PLCXD1: variants seen among roughly 807,000 people sequenced by gnomAD.
PLCXD1 encodes the protein PI-PLC X domain-containing protein 1.
A neutral mutation model predicts 37.8 loss-of-function variants in PLCXD1; 45 were observed. That is an observed-to-expected ratio of 1.19 (90% confidence interval 0.94 to 1.53). The LOEUF (loss-of-function observed/expected upper bound fraction) is 1.53, where lower values mean the gene tolerates loss of function less well. Among genes scored for constraint, PLCXD1 ranks in the 40% most tolerant of loss-of-function variants. The probability of loss-of-function intolerance (pLI) is 0.00; values close to 1 mark genes in which losing one functional copy is unlikely to be tolerated. For missense variants in PLCXD1, 539 were observed against 454.7 expected (o/e 1.19, Z -1.69); for synonymous variants, 246 against 206.9 (o/e 1.19, Z -1.62).
Position 303,341 on chromosome X carries a change from C to T in PLCXD1, c.*4006C>T, listed in dbSNP as rs1339786688. 1 of 152,136 alleles carries T rather than the reference C, an allele frequency of 6.6e-6. No homozygotes were observed. Among genetic ancestry groups the T allele is most frequent in the Admixed American group, 6.6e-5 (1 of 15,256 alleles). 9.4% of individuals were successfully genotyped at this position (152,136 alleles called of 1,614,324 possible). A position where few individuals can be genotyped will look rare whatever the true frequency, so the allele number is the denominator to read the frequency against. Reference sequence around the variant, plus strand: ...CATACAGATCGTTTAAATAAATGAACATCATTAAAGTCAAATATGAGTATG... The same window carrying T: ...CATACAGATCGTTTAAATAAATGAATATCATTAAAGTCAAATATGAGTATG... On this transcript the variant is annotated 3_prime_UTR_variant, in exon 7 of 7. Coordinates refer to ENST00000381657, the MANE Select transcript of PLCXD1 (RefSeq NM_018390.4).
chrX:279,881 A>G (rs1409644644), upstream of PLCXD1, among the ~76,000 whole-genome samples: 8 of 152,006 alleles, frequency 5.3e-5, no homozygotes, highest in East Asian at 3.9e-4. Context: ...CGGGAGTCTC[A>G]CTCTGTCTCC....
intron 3 of PLCXD1, 66 bp from the exon 4 acceptor site, chrX:290,582 C>T: frequency 6.3e-7 from 1 of 1,588,432 alleles, no homozygotes; most frequent in South Asian, 1.1e-5. Context: ...AACCCCACAG[C>T]CCATTCCTGA....
chrX:279,998 G>T (rs1213036402), upstream of PLCXD1, among the ~76,000 whole-genome samples: 1 of 152,050 alleles, frequency 6.6e-6, no homozygotes, highest in South Asian at 2.1e-4. Flanking sequence ...ACAGGCGCGC[G>T]CCAGCACGGC....
chrX:283,536 G>GTGGTGTCAGGCCCGGGTGGGGGCGGCCT (rs1569564376), intron 1 of PLCXD1: 1 of 77,980 alleles, frequency 1.3e-5, no homozygotes, highest in African/African-American at 3.7e-5. Flanking sequence ...GGGGGCGGCC[G>GTGGTGTCAGGCCCGGGTGGGGGCGGCCT]TGGTGTCAGG....
chrX:289,767 T>A (rs1238639360), intron 3 of PLCXD1, among the ~76,000 whole-genome samples: 4 of 151,540 alleles, frequency 2.6e-5, no homozygotes, highest in African/African-American at 9.7e-5. Context: ...CGCCTCAGCC[T>A]CCCAAAGTGC....
intron 1 of PLCXD1, among the ~76,000 whole-genome samples, chrX:282,383 T>TA (rs1266870021): frequency 1.2e-4 from 14 of 112,856 alleles, no homozygotes; most frequent in African/African-American, 3.4e-4. Context: ...ACCCTGTCTT[T>TA]AAAAAAAACA....
rs948293486 is a variant in PLCXD1, at chrX:299,671, T to G, written c.*336T>G. The stretch of plus-strand genomic sequence containing the variant: ...ACTCGGGAGGCTCAGGCAGGAGAAC[T>G]GCTTGAAGCCGGGAGATGGAGGTTG... On this transcript the variant is annotated 3_prime_UTR_variant, in exon 7 of 7. Transcript: ENST00000381657. 2.4e-5 allele frequency: 10 copies of G among 424,394 alleles called. No homozygotes were observed. Among genetic ancestry groups the G allele is most frequent in the East Asian group, 4.6e-5 (1 of 21,846 alleles). 26.3% of individuals were successfully genotyped at this position (424,394 alleles called of 1,614,324 possible). A position where few individuals can be genotyped will look rare whatever the true frequency, so the allele number is the denominator to read the frequency against.
intron 2 of PLCXD1, among the ~76,000 whole-genome samples, chrX:287,485 TATATAG>T (rs1365445159): frequency 3.1e-5 from 4 of 130,030 alleles, no homozygotes; most frequent in South Asian, 4.5e-4. Context: ...TATATGTTTA[TATATAG>T]ATATAGATAC....
rs2069535119 is a variant in PLCXD1 at position 288,758 on chromosome X, C to A, written c.153C>A (p.Cys51Ter). ...GGAGCCACGACACGATGACGTACTG[C>A]CTGAACAAGAAGTCCCCCATTTCGC... The part of the protein sequence containing the change: ...IPGSHDTMTY[C>*]LNKKSPISHE... Residue 51 changes from cysteine (C) to a stop codon, truncating the protein, a stop_gained, in exon 3 of 7, where the codon TGC becomes TGA. Coordinates refer to ENST00000381657, the MANE Select transcript of PLCXD1 (RefSeq NM_018390.4). LOFTEE classifies it high-confidence loss of function. 1 of 1,613,798 alleles carries A rather than the reference C, an allele frequency of 6.2e-7. No individual in the cohort carries two copies. Among genetic ancestry groups the A allele is most frequent in the Non-Finnish European group, 8.5e-7 (1 of 1,179,708 alleles).
At chrX:298,694 A>C (rs1361064018) in intron 6 of PLCXD1, among the ~76,000 whole-genome samples, 2 of 50,092 alleles carry the variant, frequency 4.0e-5, no homozygotes, top group African/African-American at 1.9e-4. Context: ...TATTCTGTCT[A>C]TCACATGGGG....
intron 6 of PLCXD1, among the ~76,000 whole-genome samples, chrX:295,311 G>GGGA (rs2069768715): frequency 6.6e-6 from 1 of 152,114 alleles, no homozygotes; most frequent in African/African-American, 2.4e-5. Context: ...GAGGGAGGGA[G>GGGA]GGAGGAAGGT....
At chrX:285,829 T>C (rs932199944) in intron 2 of PLCXD1, among the ~76,000 whole-genome samples, 16 of 152,232 alleles carry the variant, frequency 1.1e-4, no homozygotes, top group Admixed American at 9.2e-4. Flanking sequence ...GGGGTTTCCT[T>C]GAGCCACATT....
chrX:299,312 A>T lies in PLCXD1; in HGVS notation c.949A>T (p.Asn317Tyr), dbSNP rs769818508. Residue 317 changes from asparagine (N) to tyrosine (Y), a missense_variant, in exon 7 of 7, where the codon AAT (asparagine) becomes TAT (tyrosine). Transcript: ENST00000381657. Reference sequence around the variant, plus strand: ...CTTCGTCAGTGACGTCATCGCGCTCAATCAGAAGCTGCTGTGGTGCTGACG... The same window carrying T: ...CTTCGTCAGTGACGTCATCGCGCTCTATCAGAAGCTGCTGTGGTGCTGACG... Reference protein sequence around the residue: ...DGFVSDVIALNQKLLWC With the variant: ...DGFVSDVIALYQKLLWC 4 of 1,613,470 alleles carry T rather than the reference A, an allele frequency of 2.5e-6. No homozygotes were observed. In the South Asian group the frequency reaches 4.4e-5, roughly 18 times the overall value.
intron 6 of PLCXD1, among the ~76,000 whole-genome samples, chrX:297,266 T>C (rs1244116980): frequency 1.2e-4 from 4 of 34,448 alleles, no homozygotes; most frequent in South Asian, 6.5e-4. Flanking sequence ...GGGACATTAT[T>C]CTGTCTATCA....
chrX:291,680 GTCTCTCCCGGGGCA>G, intron 5 of PLCXD1, 26 bp downstream of exon 5: 3 of 1,610,136 alleles, frequency 1.9e-6, no homozygotes, highest in Middle Eastern at 2.2e-4. Flanking sequence ...ATATCCGCAC[GTCTCTCCCGGGGCA>G]GGGGCATCGT....
At chrX:288,198 C>G (rs892511614) in intron 2 of PLCXD1, among the ~76,000 whole-genome samples, 1 of 151,896 alleles carries the variant, frequency 6.6e-6, no homozygotes, top group South Asian at 2.1e-4. Context: ...GTGTAAAGAC[C>G]CTATTTCCAA....
chrX:299,019 T>C (rs1011966815), intron 6 of PLCXD1, 78 bp from the exon 7 acceptor site: 10 of 1,083,996 alleles, frequency 9.2e-6, no homozygotes, highest in Middle Eastern at 2.0e-4. Context: ...TGCGAACCTC[T>C]AATAATGTGA....
At chrX:292,897 G>T in intron 5 of PLCXD1, 138 bp from the exon 6 acceptor site, 1 of 578,076 alleles carries the variant, frequency 1.7e-6, no homozygotes. Context: ...ACAGGCGTCA[G>T]CCACTGCGCC....
chrX:283,231 G>A (rs1602838583), intron 1 of PLCXD1: 1 of 145,432 alleles, frequency 6.9e-6, no homozygotes, highest in Non-Finnish European at 1.5e-5. Context: ...TTTCACTGCA[G>A]CCTGGGCAAC....
Sources: allele counts gnomAD v4.1 joint callset (sites outside exome capture counted in the v4.1 genomes callset), GRCh38; gene constraint gnomAD v4.1.1; transcripts MANE v1.5; gene names NCBI Gene and HGNC (gene_info 2026-07-23, HGNC 2026-07-21).